Variants in NGFR observed in about 807,000 individuals in gnomAD.
NGFR encodes nerve growth factor receptor.
Under a neutral mutation model 43.2 loss-of-function variants are expected in NGFR, and 30 were observed. The observed-to-expected ratio is 0.69, with a 90% CI of 0.52 to 0.94. NGFR has a LOEUF of 0.94. NGFR is among the 40% of genes least tolerant of loss of function. The pLI is 0.00. For missense variants in NGFR, 529 were observed against 602.5 expected (o/e 0.88, Z 1.28); for synonymous variants, 246 against 259.6 (o/e 0.95, Z 0.50).
intron 2 of NGFR, 158 bp from the exon 3 acceptor site, chr17:49,506,136 CAGGCT>C (rs1316796471): frequency 5.4e-6 from 7 of 1,308,268 alleles, no homozygotes; most frequent in Non-Finnish European, 6.9e-6. Flanking sequence ...CCAACTTTCA[CAGGCT>C]AGGGGTCAGG....
chr17:49,511,791 C>A, intron 4 of NGFR, 101 bp from the exon 5 acceptor site: 1 of 1,366,190 alleles, frequency 7.3e-7, no homozygotes, highest in Non-Finnish European at 9.6e-7. Context: ...ATTGGGCACC[C>A]GCCATGCCCC....
chr17:49,504,771 T>TTATTTC (rs755215137), intron 2 of NGFR, among the ~76,000 whole-genome samples: 1 of 52,388 alleles, frequency 1.9e-5, no homozygotes, highest in African/African-American at 5.8e-5. Context: ...CTTTCTTTCT[T>TTATTTC]TTTTTTTTTT....
At chr17:49,508,302 G>A (rs1156336396) in intron 3 of NGFR, among the ~76,000 whole-genome samples, 6 of 152,216 alleles carry the variant, frequency 3.9e-5, no homozygotes, top group African/African-American at 1.2e-4. Context: ...AAGAAAGGTG[G>A]TGACTGTGGG....
intron 3 of NGFR, 81 bp downstream of exon 3, chr17:49,506,739 G>A (rs1030295122): frequency 7.5e-7 from 1 of 1,334,854 alleles, no homozygotes; most frequent in Non-Finnish European, 1.0e-6. Flanking sequence ...TCTGGAGGTC[G>A]ACAAGGACCC....
rs2071243183 is a variant in NGFR at position 49,512,864 on chromosome 17, C to A, written c.1139C>A (p.Ala380Asp). The A allele has an allele frequency of 6.2e-7, 1 of 1,613,388 alleles. No homozygotes were observed. The highest frequency in any genetic ancestry group is 1.1e-5 in the South Asian group (1 of 91,080). The change falls in exon 6 of 6, where the codon GCC becomes GAC. Residue 380 changes from alanine (A) to aspartate (D), a missense_variant. Transcript: ENST00000172229. The surrounding 1 kb of genome is among the most constrained non-coding windows in gnomAD (Gnocchi z 5.2). ...PEHIDSFTHE[A>D]CPVRALLASW... Reference sequence around the variant, plus strand: ...CACATAGACTCCTTTACCCATGAGGCCTGCCCCGTTCGCGCCCTGCTTGCA... The same window carrying A: ...CACATAGACTCCTTTACCCATGAGGACTGCCCCGTTCGCGCCCTGCTTGCA...
At chr17:49,508,856 A>G (rs762316493) in intron 3 of NGFR, among the ~76,000 whole-genome samples, 1 of 151,788 alleles carries the variant, frequency 6.6e-6, no homozygotes, top group Non-Finnish European at 1.5e-5. Flanking sequence ...TTCCCCTACC[A>G]TGCTCTGATC....
Position 49,512,814 on chromosome 17 carries a change from G to T in NGFR, c.1089G>T (p.Ala363=). The T allele has an allele frequency of 6.2e-7, 1 of 1,613,424 alleles. No homozygotes were observed. Among genetic ancestry groups the T allele is most frequent in the Non-Finnish European group, 8.5e-7 (1 of 1,179,960 alleles). Residue 363 remains alanine (A), a synonymous_variant, in exon 6 of 6, where the codon GCG becomes GCT. Transcript: ENST00000172229. This position sits in a 1 kb window ranked among gnomAD's most constrained non-coding sequence, Gnocchi z 5.2. Reference sequence around the variant, plus strand: ...CGGGGGACACCTGGCGGCACCTGGCGGGCGAGCTGGGCTACCAGCCCGAGC... The same window carrying T: ...CGGGGGACACCTGGCGGCACCTGGCTGGCGAGCTGGGCTACCAGCCCGAGC... The part of the protein sequence containing the change: ...GSAGDTWRHL[A]GELGYQPEHI...
chr17:49,502,713 G>A (rs1054406368), intron 2 of NGFR, among the ~76,000 whole-genome samples: 4 of 152,026 alleles, frequency 2.6e-5, no homozygotes, highest in East Asian at 3.9e-4. Context: ...GAGTTTTCCC[G>A]AGGCAGCAGG....
Position 49,506,638 on chromosome 17 carries a change from G to T in NGFR, c.548G>T (p.Trp183Leu). The stretch of plus-strand genomic sequence containing the variant: ...CGCCAGCTCCGCGAGTGCACACGCT[G>T]GGCCGACGCCGAGTGCGAGGGTGAG... ...TERQLRECTRWADAECEEIPG... is the reference protein window; with the variant it reads ...TERQLRECTRLADAECEEIPG... The change falls in exon 3 of 6, where the codon TGG becomes TTG. Residue 183 changes from tryptophan to leucine, a missense_variant. Transcript: ENST00000172229. 6.4e-7 allele frequency: 1 copy of T among 1,563,832 alleles called. No individual in the cohort carries two copies.
At chr17:49,498,118 G>A (rs2143420511) in intron 1 of NGFR, among the ~76,000 whole-genome samples, 1 of 152,286 alleles carries the variant, frequency 6.6e-6, no homozygotes, top group Non-Finnish European at 1.5e-5. Context: ...CTCCCCCAGT[G>A]AGTCAGTGGT....
chr17:49,495,453 G>C lies in NGFR; in HGVS notation c.36G>C (p.Gly12=). 1 of 1,236,468 alleles carries C rather than the reference G, an allele frequency of 8.1e-7. No homozygotes were observed. Among genetic ancestry groups the C allele is most frequent in the Non-Finnish European group, 1.0e-6 (1 of 988,796 alleles). The allele number at this position is 1,236,468 out of a possible 1,614,324, so 76.6% of individuals were successfully genotyped here. A position where few individuals can be genotyped will look rare whatever the true frequency, so the allele number is the denominator to read the frequency against. ...GAGATGRAMD[G]PRLLLLLLLG... is the part of the protein sequence containing the mutation. ...GTGCCACCGGCCGCGCCATGGACGG[G>C]CCGCGCCTGCTGCTGTTGCTGCTTC... Residue 12 remains glycine, a synonymous_variant, in exon 1 of 6, where the codon GGG becomes GGC. Transcript: ENST00000172229. The surrounding 1 kb of genome is among the most constrained non-coding windows in gnomAD (Gnocchi z 6.4).
At chr17:49,503,014 C>T (rs2071177079) in intron 2 of NGFR, among the ~76,000 whole-genome samples, 1 of 152,100 alleles carries the variant, frequency 6.6e-6, no homozygotes, top group Non-Finnish European at 1.5e-5. Context: ...CTCCTGGTTT[C>T]AAGTGATTCT....
chr17:49,514,972 G>A lies in NGFR; in HGVS notation c.*1963G>A, dbSNP rs372797663. The A allele has an allele frequency of 4.6e-5, 7 of 152,074 alleles. No individual in the cohort carries two copies. Among genetic ancestry groups the A allele is most frequent in the Non-Finnish European group, 7.4e-5 (5 of 68,026 alleles). 9.4% of individuals were successfully genotyped at this position (152,074 alleles called of 1,614,324 possible). A position where few individuals can be genotyped will look rare whatever the true frequency, so the allele number is the denominator to read the frequency against. ...CCCTCCTGAAACTTACACACAAAACGTTAAGTGATGAACATTAAATAGCAA... is the reference window on the plus strand; with the variant it reads ...CCCTCCTGAAACTTACACACAAAACATTAAGTGATGAACATTAAATAGCAA... On this transcript the variant is annotated 3_prime_UTR_variant, in exon 6 of 6. Coordinates refer to ENST00000172229, the MANE Select transcript of NGFR (RefSeq NM_002507.4).
Position 49,506,667 on chromosome 17 carries a change from G to A in NGFR, c.568+9G>A, listed in dbSNP as rs997418829. The A allele has an allele frequency of 2.8e-6, 4 of 1,414,044 alleles. No homozygotes were observed. In the African/African-American group the frequency reaches 4.4e-5, roughly 16 times the overall value. The allele number at this position is 1,414,044 out of a possible 1,614,324, so 87.6% of individuals were successfully genotyped here. On this transcript the variant is annotated intron_variant, in intron 3 of 5. Transcript: ENST00000172229. ...CGACGCCGAGTGCGAGGGTGAGTGCGGTTCGGGGGGCGGGGGGAGTGGGGG... is the reference window on the plus strand; with the variant it reads ...CGACGCCGAGTGCGAGGGTGAGTGCAGTTCGGGGGGCGGGGGGAGTGGGGG...
In NGFR at chr17:49,506,672, G is replaced by C; in HGVS notation, c.568+14G>C. The C allele has an allele frequency of 2.1e-6, 3 of 1,396,498 alleles. No individual in the cohort carries two copies. Among genetic ancestry groups the C allele is most frequent in the Middle Eastern group, 2.6e-4 (1 of 3,876 alleles). 86.5% of individuals were successfully genotyped at this position (1,396,498 alleles called of 1,614,324 possible). ...CCGAGTGCGAGGGTGAGTGCGGTTC[G>C]GGGGGCGGGGGGAGTGGGGGTGCGG... On this transcript the variant is annotated intron_variant, in intron 3 of 5. Coordinates refer to ENST00000172229, the MANE Select transcript of NGFR (RefSeq NM_002507.4).
At position 49,495,715 on chromosome 17, in the gene NGFR, T is replaced by G; in HGVS notation, c.66+232T>G. ...GGCAAGACCGGAGCACGGATGCCGG[T>G]CCTCAGGTACCGCAGGGGGCGGTGG... is the stretch of plus-strand genomic sequence containing the variant. On this transcript the variant is annotated intron_variant, in intron 1 of 5. Transcript: ENST00000172229. The surrounding 1 kb of genome is among the most constrained non-coding windows in gnomAD (Gnocchi z 6.4). The G allele has an allele frequency of 2.6e-6, 1 of 383,132 alleles. No individual in the cohort carries two copies. Among genetic ancestry groups the G allele is most frequent in the Non-Finnish European group, 4.5e-6 (1 of 220,352 alleles). 23.7% of individuals were successfully genotyped at this position (383,132 alleles called of 1,614,324 possible). A position where few individuals can be genotyped will look rare whatever the true frequency, so the allele number is the denominator to read the frequency against.
At chr17:49,501,159 G>A (rs2071164998) in intron 1 of NGFR, among the ~76,000 whole-genome samples, 1 of 152,204 alleles carries the variant, frequency 6.6e-6, no homozygotes, top group Non-Finnish European at 1.5e-5. Flanking sequence ...ACATCCACGA[G>A]CAAAGATGCT....
chr17:49,512,935 G>T lies in NGFR; in HGVS notation c.1210G>T (p.Ala404Ser). The change falls in exon 6 of 6, where the codon GCC (alanine) becomes TCC (serine). Residue 404 changes from alanine to serine, a missense_variant. Ala to Ser is a moderately conservative substitution (Grantham distance 99, BLOSUM62 1). Transcript: ENST00000172229. This position sits in a 1 kb window ranked among gnomAD's most constrained non-coding sequence, Gnocchi z 5.2. ...CGCCACACTGGACGCCCTCCTGGCC[G>T]CCCTGCGCCGCATCCAGCGAGCCGA... Reference protein sequence around the residue: ...DSATLDALLAALRRIQRADLV... With the variant: ...DSATLDALLASLRRIQRADLV... The T allele has an allele frequency of 6.2e-7, 1 of 1,611,098 alleles. No individual in the cohort carries two copies. The highest frequency in any genetic ancestry group is 8.5e-7 in the Non-Finnish European group (1 of 1,178,980).
At chr17:49,504,769 C>CTTTTTTTTTTTTTTTT (rs67010321) in intron 2 of NGFR, among the ~76,000 whole-genome samples, 1 of 110,930 alleles carries the variant, frequency 9.0e-6, no homozygotes, top group African/African-American at 3.3e-5. Flanking sequence ...TTCTTTCTTT[C>CTTTTTTTTTTTTTTTT]TTTTTTTTTT....
Sources: gnomAD v4.1 joint callset for allele counts (sites outside exome capture counted in the v4.1 genomes callset) on GRCh38, gnomAD v4.1.1 for gene constraint, Gnocchi (gnomAD v3.1) non-coding constraint, MANE v1.5 for transcripts, NCBI Gene and HGNC (gene_info 2026-07-23, HGNC 2026-07-21) for gene names.